Variants in HTR4 observed in about 807,000 individuals in gnomAD.
HTR4 encodes 5-hydroxytryptamine receptor 4, also known as 5-hydroxytryptamine (serotonin) receptor 4, G protein-coupled.
Under a neutral mutation model 36.8 loss-of-function variants are expected in HTR4, and 16 were observed. The observed-to-expected ratio is 0.43, with a 90% CI of 0.29 to 0.66. The LOEUF (loss-of-function observed/expected upper bound fraction) is 0.66. HTR4 is among the 30% of genes least tolerant of loss of function. The pLI, the probability that HTR4 is intolerant of heterozygous loss-of-function variation, is 0.13. For synonymous variants in HTR4, 189 were observed against 185.1 expected, an observed-to-expected ratio of 1.02 and a Z score of -0.17; for missense variants, 438 against 490.9, an observed-to-expected ratio of 0.89 and a Z score of 1.02.
intron 2 of HTR4, 77 bp from the exon 3 acceptor site, chr5:148,550,339 G>T: frequency 6.4e-7 from 1 of 1,555,362 alleles, no homozygotes. Context: ...TTTCATCATT[G>T]ACCTTCAGAA....
At chr5:148,625,810 A>G (rs1239919193) in intron 2 of HTR4, among the ~76,000 whole-genome samples, 2 of 151,150 alleles carry the variant, frequency 1.3e-5, no homozygotes, top group African/African-American at 4.9e-5. Context: ...TGATCTCTTG[A>G]CCTCGTGATC....
At chr5:148,516,627 C>CCTTTTTT in intron 5 of HTR4, among the ~76,000 whole-genome samples, 1 of 143,512 alleles carries the variant, frequency 7.0e-6, no homozygotes, top group African/African-American at 2.6e-5. Flanking sequence ...CAAAAATTCC[C>CCTTTTTT]TTTTTTTTTT....
At chr5:148,583,296 AG>A (rs1761217053) in intron 2 of HTR4, among the ~76,000 whole-genome samples, 3 of 117,634 alleles carry the variant, frequency 2.6e-5, no homozygotes, top group Non-Finnish European at 5.5e-5. Flanking sequence ...CACTTGGGGG[AG>A]GGGGGAGGGA....
At chr5:148,634,462 T>C (rs1753453440) in intron 2 of HTR4, among the ~76,000 whole-genome samples, 1 of 152,214 alleles carries the variant, frequency 6.6e-6, no homozygotes, top group South Asian at 2.1e-4. Context: ...TATGTCTCAG[T>C]TGACACACAT....
At chr5:148,568,081 T>C (rs1297339804) in intron 2 of HTR4, among the ~76,000 whole-genome samples, 2 of 152,188 alleles carry the variant, frequency 1.3e-5, no homozygotes, top group African/African-American at 2.4e-5. Flanking sequence ...AGTCCTGCCT[T>C]CAGATACTTC....
chr5:148,458,080 T>TATA (rs1561558843), intron 5 of HTR4, among the ~76,000 whole-genome samples: 3 of 48,868 alleles, frequency 6.1e-5, no homozygotes, highest in African/African-American at 9.7e-5. Context: ...TTAATAGATC[T>TATA]TAAAATATAT....
intron 5 of HTR4, among the ~76,000 whole-genome samples, chr5:148,512,833 A>G (rs1757559792): frequency 2.0e-5 from 3 of 152,096 alleles, no homozygotes; most frequent in African/African-American, 7.2e-5. Context: ...AGGGTGGCTG[A>G]GGCACTAGAA....
intron 1 of HTR4, among the ~76,000 whole-genome samples, chr5:148,653,211 TG>T (rs901658192): frequency 1.3e-5 from 2 of 152,214 alleles, no homozygotes; most frequent in African/African-American, 4.8e-5. Flanking sequence ...AAGCCTCCTT[TG>T]GTTCATGCCA....
chr5:148,594,016 T>C (rs962539252), intron 2 of HTR4, among the ~76,000 whole-genome samples: 8 of 152,224 alleles, frequency 5.3e-5, no homozygotes, highest in Non-Finnish European at 1.5e-5. Context: ...TTCTTTATTA[T>C]ACGTCATTAT....
At chr5:148,577,635 C>T (rs1760976943) in intron 2 of HTR4, among the ~76,000 whole-genome samples, 1 of 151,994 alleles carries the variant, frequency 6.6e-6, no homozygotes, top group Non-Finnish European at 1.5e-5. Flanking sequence ...TACTATGCAG[C>T]CTATATAAAT....
chr5:148,506,643 C>A (rs1757230801), intron 6 of HTR4, among the ~76,000 whole-genome samples: 1 of 152,038 alleles, frequency 6.6e-6, no homozygotes, highest in Non-Finnish European at 1.5e-5. Flanking sequence ...GGGCTAATAT[C>A]CAGAATCTAC....
chr5:148,497,673 G>A (rs1209936232), intron 6 of HTR4, among the ~76,000 whole-genome samples: 1 of 152,174 alleles, frequency 6.6e-6, no homozygotes, highest in East Asian at 1.9e-4. Context: ...ACAGATATTG[G>A]TGGGTGGGGA....
chr5:148,639,178 A>G (rs1025507265), intron 1 of HTR4, among the ~76,000 whole-genome samples: 3 of 152,012 alleles, frequency 2.0e-5, no homozygotes, highest in Non-Finnish European at 4.4e-5. Context: ...ACTCACCCAC[A>G]CCCCCAATCT....
chr5:148,564,060 T>C (rs986119776), intron 2 of HTR4, among the ~76,000 whole-genome samples: 2 of 152,236 alleles, frequency 1.3e-5, no homozygotes, highest in African/African-American at 4.8e-5. Context: ...AATTTCTCCC[T>C]CTTGTTCAAA....
chr5:148,489,889 C>T (rs1376972438), intron 6 of HTR4, among the ~76,000 whole-genome samples: 1 of 152,088 alleles, frequency 6.6e-6, no homozygotes, highest in Non-Finnish European at 1.5e-5. Context: ...CTGGCATTTG[C>T]AGTTTAAAAT....
At chr5:148,499,952 C>T (rs907450395) in intron 6 of HTR4, among the ~76,000 whole-genome samples, 4 of 152,158 alleles carry the variant, frequency 2.6e-5, no homozygotes, top group Non-Finnish European at 5.9e-5. Flanking sequence ...TGAGTAAAAG[C>T]TTCCTGAGGC....
chr5:148,493,866 T>C (rs1254885463), intron 6 of HTR4, among the ~76,000 whole-genome samples: 7 of 152,234 alleles, frequency 4.6e-5, no homozygotes, highest in Admixed American at 2.6e-4. Flanking sequence ...AAGTCTGTTT[T>C]GGCTCAAAAC....
At chr5:148,622,394 C>T (rs1752948194) in intron 2 of HTR4, among the ~76,000 whole-genome samples, 1 of 152,200 alleles carries the variant, frequency 6.6e-6, no homozygotes, top group South Asian at 2.1e-4. Flanking sequence ...ATCCCAGCCA[C>T]ATCTCACCAA....
intron 6 of HTR4, among the ~76,000 whole-genome samples, chr5:148,507,332 T>G (rs548554465): frequency 1.5e-5 from 2 of 131,642 alleles, no homozygotes; most frequent in South Asian, 2.5e-4. Context: ...AATAAGAACA[T>G]TTGGACACAG....
Sources: gnomAD v4.1 joint callset for allele counts (sites outside exome capture counted in the v4.1 genomes callset) on GRCh38, gnomAD v4.1.1 for gene constraint, MANE v1.5 for transcripts, NCBI Gene and HGNC (gene_info 2026-07-23, HGNC 2026-07-21) for gene names.